UTRN: variants seen among roughly 807,000 people sequenced by gnomAD.
UTRN encodes the protein utrophin, also known as dystrophin-related protein 1.
A neutral mutation model predicts 463.9 loss-of-function variants in UTRN; 283 were observed. That is an observed-to-expected ratio of 0.61 (90% confidence interval 0.55 to 0.67). The LOEUF (loss-of-function observed/expected upper bound fraction) is 0.67. Ranked by LOEUF, UTRN falls within the 30% of genes least tolerant of loss-of-function variation. The probability of loss-of-function intolerance (pLI) is 0.00; values close to 1 mark genes in which losing one functional copy is unlikely to be tolerated. For synonymous variants in UTRN, 1,442 were observed against 1,431.5 expected (o/e 1.01, Z -0.17); for missense variants, 3,922 against 4,084.3 (o/e 0.96, Z 1.08).
intron 50 of UTRN, among the ~76,000 whole-genome samples, chr6:144,562,491 A>G (rs570798348): frequency 1.3e-5 from 2 of 152,164 alleles, no homozygotes; most frequent in South Asian, 2.1e-4. Flanking sequence ...TGCGGTGGAT[A>G]ATGGCTTCCA....
intron 51 of UTRN, among the ~76,000 whole-genome samples, chr6:144,614,075 G>T (rs1805810635): frequency 6.6e-6 from 1 of 151,504 alleles, no homozygotes; most frequent in African/African-American, 2.4e-5. Context: ...TTATAGTAAC[G>T]ACTCAACACT....
rs1205179187 is a variant in UTRN, at chr6:144,771,926, T to A, written c.8515T>A (p.Cys2839Ser). Residue 2839 changes from cysteine (C) to serine (S), a missense_variant, in exon 59 of 75, where the codon TGT becomes AGT. By Grantham distance (112) the Cys-to-Ser change is moderately radical. Transcript: ENST00000367545. ...TTCCAGCCATCAAACACAGACCACC[T>A]GTTGGGACCATCCTAAAATGACCGA... ...YYINHQTQTTCWDHPKMTELF... is the reference protein window; with the variant it reads ...YYINHQTQTTSWDHPKMTELF... 6.3e-7 allele frequency: 1 copy of A among 1,593,280 alleles called. No homozygotes were observed. The highest frequency in any genetic ancestry group is 1.2e-5 in the South Asian group (1 of 86,540).
chr6:144,537,786 G>A (rs989196183), intron 44 of UTRN, 69 bp downstream of exon 44: 57 of 1,531,202 alleles, frequency 3.7e-5, no homozygotes, highest in Admixed American at 1.7e-4. Context: ...CACATACTGC[G>A]TGTCTCAAGA....
At chr6:144,688,785 C>T (rs1471267697) in intron 52 of UTRN, among the ~76,000 whole-genome samples, 4 of 152,130 alleles carry the variant, frequency 2.6e-5, no homozygotes, top group Non-Finnish European at 5.9e-5. Flanking sequence ...TCTCATTCCC[C>T]AGTGGTGTGC....
chr6:144,755,201 G>A (rs1430377316), intron 57 of UTRN, among the ~76,000 whole-genome samples: 1 of 151,954 alleles, frequency 6.6e-6, no homozygotes, highest in East Asian at 1.9e-4. Context: ...AACTTTCAAA[G>A]TAAAAAAAAT....
chr6:144,575,147 T>G lies in UTRN; in HGVS notation c.7290-1952T>G, dbSNP rs117525077. On this transcript the variant is annotated intron_variant, in intron 50 of 74. Transcript: ENST00000367545. Reference sequence around the variant, plus strand: ...TCTAATGATTAATGTGCTGAGCATATTTTCATTTGTTTATTTGTCATCTAA... The same window carrying G: ...TCTAATGATTAATGTGCTGAGCATAGTTTCATTTGTTTATTTGTCATCTAA... 2.9e-4 allele frequency among the ~76,000 whole-genome samples: 44 copies of G among 152,304 alleles called. No individual in the cohort carries two copies. The East Asian group carries it at 7.9e-3, about 27-fold the overall frequency.
intron 59 of UTRN, among the ~76,000 whole-genome samples, chr6:144,772,218 G>A (rs9403605): frequency 6.6e-6 from 1 of 151,334 alleles, no homozygotes; most frequent in Admixed American, 6.6e-5. Flanking sequence ...TATTTTAATA[G>A]AGACAGGGTT....
intron 68 of UTRN, among the ~76,000 whole-genome samples, chr6:144,828,116 T>C (rs1196343088): frequency 1.3e-5 from 2 of 152,170 alleles, no homozygotes; most frequent in Admixed American, 1.3e-4. Context: ...GTGCACAGAC[T>C]TTCAGAAAAG....
At chr6:144,477,227 C>G (rs1228530185) in intron 25 of UTRN, among the ~76,000 whole-genome samples, 3 of 152,010 alleles carry the variant, frequency 2.0e-5, no homozygotes, top group Non-Finnish European at 2.9e-5. Context: ...CTATATATAG[C>G]TGAAGTGAGT....
chr6:144,470,475 G>A (rs578125141), intron 23 of UTRN, among the ~76,000 whole-genome samples: 1 of 150,928 alleles, frequency 6.6e-6, no homozygotes, highest in Non-Finnish European at 1.5e-5. Context: ...ATAGGGCGGC[G>A]GGGCAGAGAC....
chr6:144,748,400 A>C lies in UTRN; in HGVS notation c.8094A>C (p.Gly2698=). 1 of 1,613,882 alleles carries C rather than the reference A, an allele frequency of 6.2e-7. No homozygotes were observed. The highest frequency in any genetic ancestry group is 2.2e-5 in the East Asian group (1 of 44,784). ...TGGAGAAACTCAGAGACCTGCAGGG[A>C]GCTATGGATGACCTGGACGCTGACA... The part of the protein sequence containing the change: ...KALEKLRDLQ[G]AMDDLDADMK... The change falls in exon 55 of 75, where the codon GGA becomes GGC. Residue 2698 remains glycine, a synonymous_variant. Transcript: ENST00000367545.
chr6:144,715,914 G>A (rs1356702871), intron 53 of UTRN, among the ~76,000 whole-genome samples: 1 of 150,946 alleles, frequency 6.6e-6, no homozygotes, highest in African/African-American at 2.4e-5. Flanking sequence ...TTATTCATTT[G>A]CGTTCTAAAG....
intron 65 of UTRN, among the ~76,000 whole-genome samples, chr6:144,803,578 AT>A: frequency 6.6e-6 from 1 of 151,884 alleles, no homozygotes; most frequent in South Asian, 2.1e-4. Flanking sequence ...TGGTTTTAAG[AT>A]TCTATTTATA....
intron 2 of UTRN, among the ~76,000 whole-genome samples, chr6:144,355,981 A>G (rs1778514958): frequency 6.6e-6 from 1 of 152,242 alleles, no homozygotes; most frequent in Non-Finnish European, 1.5e-5. Flanking sequence ...GAATTCTTAT[A>G]TGTAGTCATA....
intron 74 of UTRN, 66 bp from the exon 75 acceptor site, chr6:144,850,923 G>C: frequency 6.2e-7 from 1 of 1,600,120 alleles, no homozygotes. Context: ...TTGAAGAATT[G>C]ACAGATCTCT....
At chr6:144,695,117 G>C (rs1475538819) in intron 52 of UTRN, among the ~76,000 whole-genome samples, 1 of 151,818 alleles carries the variant, frequency 6.6e-6, no homozygotes, top group African/African-American at 2.4e-5. Flanking sequence ...AAAATGTCAT[G>C]GCAGGGAACA....
chr6:144,494,198 C>G (rs1793352834), intron 33 of UTRN, among the ~76,000 whole-genome samples: 1 of 152,134 alleles, frequency 6.6e-6, no homozygotes, highest in Non-Finnish European at 1.5e-5. Flanking sequence ...GTGAGTGTTA[C>G]AGCTCTTAAG....
At chr6:144,457,063 T>G (rs57792830) in intron 19 of UTRN, among the ~76,000 whole-genome samples, 15,625 of 152,204 alleles carry the variant, frequency 0.1, 2,682 homozygotes, top group African/African-American at 0.36. Flanking sequence ...CTCTGTGTTT[T>G]ATAGAAATAG....
chr6:144,363,256 T>C (rs1335149665), intron 2 of UTRN, among the ~76,000 whole-genome samples: 1 of 152,226 alleles, frequency 6.6e-6, no homozygotes, highest in South Asian at 2.1e-4. Context: ...GGAAAGAGTC[T>C]GTCCATCTTT....
Sources: allele counts gnomAD v4.1 joint callset (sites outside exome capture counted in the v4.1 genomes callset), GRCh38; gene constraint gnomAD v4.1.1; transcripts MANE v1.5; gene names NCBI Gene and HGNC (gene_info 2026-07-23, HGNC 2026-07-21).